The following CCDC178 variants were observed in gnomAD, a reference collection of about 807,000 sequenced individuals.
The protein encoded by CCDC178 is coiled-coil domain-containing protein 178.
In CCDC178, 126 loss-of-function variants were observed where a neutral mutation model predicts 117.4. The ratio of observed to expected loss-of-function variants is 1.07; its 90% CI spans 0.93 to 1.24. CCDC178 has a LOEUF of 1.24. Among genes scored for constraint, CCDC178 ranks in the 50% most tolerant of loss-of-function variants. CCDC178 has a pLI of 0.00. For synonymous variants in CCDC178, 283 were observed against 313.4 expected, an observed-to-expected ratio of 0.90 and a Z score of 1.02; for missense variants, 1,030 against 986.9, an observed-to-expected ratio of 1.04 and a Z score of -0.59.
At chr18:33,108,708 C>T (rs2057739606) in intron 20 of CCDC178, among the ~76,000 whole-genome samples, 2 of 151,764 alleles carry the variant, frequency 1.3e-5, no homozygotes, top group South Asian at 2.1e-4. Flanking sequence ...GTATTATGAA[C>T]TTCCTATTCT....
chr18:33,321,662 C>T (rs1320660721), intron 11 of CCDC178, among the ~76,000 whole-genome samples: 1 of 151,436 alleles, frequency 6.6e-6, no homozygotes, highest in Non-Finnish European at 1.5e-5. Context: ...AATAGGATTT[C>T]CTACTAAAAG....
At chr18:33,120,253 G>A (rs2057918979) in intron 20 of CCDC178, among the ~76,000 whole-genome samples, 2 of 151,904 alleles carry the variant, frequency 1.3e-5, no homozygotes, top group Admixed American at 6.6e-5. Flanking sequence ...TAGAAATTGA[G>A]ACTTACTCCA....
chr18:33,398,409 T>G (rs2063667999), intron 3 of CCDC178, among the ~76,000 whole-genome samples: 1 of 152,132 alleles, frequency 6.6e-6, no homozygotes, highest in Admixed American at 6.6e-5. Flanking sequence ...AATCTACAAT[T>G]TACAAATATA....
intron 4 of CCDC178, among the ~76,000 whole-genome samples, chr18:33,389,876 A>G (rs1390423579): frequency 6.6e-6 from 1 of 151,780 alleles, no homozygotes; most frequent in South Asian, 2.1e-4. Flanking sequence ...AAACAAACAG[A>G]TAAGTTATTA....
intron 3 of CCDC178, among the ~76,000 whole-genome samples, chr18:33,404,979 G>A (rs944001993): frequency 1.1e-4 from 16 of 152,134 alleles, no homozygotes; most frequent in Non-Finnish European, 2.2e-4. Flanking sequence ...GGGAAAGAAT[G>A]CTAGTGGTAC....
At chr18:33,171,646 C>A (rs1172630615) in intron 20 of CCDC178, among the ~76,000 whole-genome samples, 1 of 152,174 alleles carries the variant, frequency 6.6e-6, no homozygotes, top group Non-Finnish European at 1.5e-5. Context: ...TATAGAGGAA[C>A]CAAACACCTC....
intron 21 of CCDC178, among the ~76,000 whole-genome samples, chr18:33,052,019 G>C (rs1011139547): frequency 1.3e-5 from 2 of 152,154 alleles, no homozygotes; most frequent in African/African-American, 4.8e-5. Flanking sequence ...TATGTTTTAT[G>C]CTTTTAGATG....
At chr18:33,113,722 TC>T (rs2057814365) in intron 20 of CCDC178, among the ~76,000 whole-genome samples, 1 of 152,056 alleles carries the variant, frequency 6.6e-6, no homozygotes, top group Non-Finnish European at 1.5e-5. Context: ...TTTTACTCCC[TC>T]AGAAACATCT....
At chr18:33,114,050 A>G (rs896987812) in intron 20 of CCDC178, among the ~76,000 whole-genome samples, 88 of 152,174 alleles carry the variant, frequency 5.8e-4, no homozygotes, top group African/African-American at 2.0e-3. Context: ...TAGAATGCCC[A>G]TGGACTTTGG....
chr18:33,085,861 T>C (rs554097154), intron 21 of CCDC178, among the ~76,000 whole-genome samples: 17 of 152,158 alleles, frequency 1.1e-4, no homozygotes, highest in African/African-American at 3.8e-4. Context: ...AGCATATAAA[T>C]ATACATTTTC....
At chr18:33,073,551 CTATATATA>C (rs3044485) in intron 21 of CCDC178, among the ~76,000 whole-genome samples, 3 of 107,036 alleles carry the variant, frequency 2.8e-5, no homozygotes, top group African/African-American at 1.1e-4. Context: ...ATCTATCTAT[CTATATATA>C]TATCTTTGCA....
At chr18:33,060,536 T>A (rs2056905397) in intron 21 of CCDC178, among the ~76,000 whole-genome samples, 1 of 150,590 alleles carries the variant, frequency 6.6e-6, no homozygotes, top group Non-Finnish European at 1.5e-5. Flanking sequence ...TTTTTAAAAT[T>A]AAAATTACAT....
intron 11 of CCDC178, among the ~76,000 whole-genome samples, chr18:33,317,777 T>C (rs1411429058): frequency 1.3e-5 from 2 of 152,152 alleles, no homozygotes; most frequent in African/African-American, 2.4e-5. Flanking sequence ...CATAGCTGAA[T>C]TTCTACCCTG....
chr18:33,354,422 T>C (rs1421738562), intron 7 of CCDC178, among the ~76,000 whole-genome samples: 1 of 152,104 alleles, frequency 6.6e-6, no homozygotes, highest in East Asian at 1.9e-4. Context: ...TTATGCTTGA[T>C]GGTATCCCTT....
chr18:33,372,640 C>G (rs1372708533), intron 5 of CCDC178, among the ~76,000 whole-genome samples: 1 of 152,098 alleles, frequency 6.6e-6, no homozygotes. Context: ...AGACAAGATC[C>G]TCCTGGCTCC....
intron 18 of CCDC178, among the ~76,000 whole-genome samples, chr18:33,219,713 G>T (rs1156536261): frequency 6.6e-6 from 1 of 152,018 alleles, no homozygotes; most frequent in Non-Finnish European, 1.5e-5. Flanking sequence ...CTCATAGGTG[G>T]GAATTGAACA....
intron 22 of CCDC178, among the ~76,000 whole-genome samples, chr18:32,943,109 G>GT (rs2054275939): frequency 6.6e-6 from 1 of 152,272 alleles, no homozygotes; most frequent in African/African-American, 2.4e-5. Context: ...GAATGATGAG[G>GT]TTGCCTTTCA....
At chr18:33,182,788 A>C (rs186709632) in intron 20 of CCDC178, among the ~76,000 whole-genome samples, 25 of 152,128 alleles carry the variant, frequency 1.6e-4, no homozygotes, top group Admixed American at 1.6e-3. Flanking sequence ...TAAAATGGAA[A>C]ATCATTAACA....
chr18:33,244,351 G>C (rs982823452), intron 15 of CCDC178, among the ~76,000 whole-genome samples: 1 of 151,896 alleles, frequency 6.6e-6, no homozygotes, highest in African/African-American at 2.4e-5. Context: ...GTAAAGTGGG[G>C]TGGACTTTGC....
Sources: allele counts gnomAD v4.1 joint callset (sites outside exome capture counted in the v4.1 genomes callset), GRCh38; gene constraint gnomAD v4.1.1; transcripts MANE v1.5; gene names NCBI Gene and HGNC (gene_info 2026-07-23, HGNC 2026-07-21).